The following XRCC4 variants were observed in gnomAD, a reference collection of about 807,000 sequenced individuals.
XRCC4 encodes the protein X-ray repair cross complementing 4.
XRCC4 carries 28 observed loss-of-function variants against 39.1 expected under a neutral mutation model. The ratio of observed to expected loss-of-function variants is 0.72; its 90% confidence interval spans 0.53 to 0.98. XRCC4 has a LOEUF of 0.98. XRCC4 is among the 50% of genes least tolerant of loss of function. The pLI, the probability that XRCC4 is intolerant of heterozygous loss-of-function variation, is 0.00. For missense variants in XRCC4, 350 were observed against 376.4 expected (o/e 0.93, Z 0.58); for synonymous variants, 123 against 126.4 (o/e 0.97, Z 0.18).
intron 3 of XRCC4, among the ~76,000 whole-genome samples, chr5:83,117,581 TTTC>T: frequency 6.6e-6 from 1 of 152,062 alleles, no homozygotes; most frequent in Middle Eastern, 3.4e-3. Flanking sequence ...TTTTAAGTGA[TTTC>T]TTAGATTAAT....
At chr5:83,123,924 A>T (rs907683639) in intron 3 of XRCC4, among the ~76,000 whole-genome samples, 2 of 152,066 alleles carry the variant, frequency 1.3e-5, no homozygotes, top group Non-Finnish European at 2.9e-5. Flanking sequence ...TACTTTTTTA[A>T]CTTTTCATTT....
At chr5:83,160,575 T>C (rs1749155979) in intron 3 of XRCC4, among the ~76,000 whole-genome samples, 1 of 152,212 alleles carries the variant, frequency 6.6e-6, no homozygotes, top group Non-Finnish European at 1.5e-5. Flanking sequence ...CCACGTGGGA[T>C]GATTGATAAC....
Position 83,082,820 on chromosome 5 carries a change from A to C in XRCC4, c.-11+5205A>C, listed in dbSNP as rs150490522. On this transcript the variant is annotated intron_variant, in intron 1 of 7. Coordinates refer to ENST00000396027, the MANE Select transcript of XRCC4 (RefSeq NM_003401.5). ...TTCTTCCTCCAGTGTGGCCTAAGGA[A>C]GTCAAAAGATTGGACACCTCTGCTC... Among the ~76,000 whole-genome samples the C allele has an allele frequency of 5.1e-4, 78 of 152,256 alleles. No individual in the cohort carries two copies. The East Asian group carries it at 0.014, about 28-fold the overall frequency.
intron 3 of XRCC4, among the ~76,000 whole-genome samples, chr5:83,125,564 C>T (rs6452509): frequency 0.41 from 62,281 of 151,904 alleles, 13,290 homozygotes; most frequent in South Asian, 0.49. Flanking sequence ...TTTGCATCTT[C>T]GTTAAAAATC....
At chr5:83,206,312 T>C (rs1265473583) in intron 6 of XRCC4, among the ~76,000 whole-genome samples, 1 of 152,056 alleles carries the variant, frequency 6.6e-6, no homozygotes, top group East Asian at 1.9e-4. Flanking sequence ...GGAGAGGCGA[T>C]GAGCAAGGAG....
intron 1 of XRCC4, among the ~76,000 whole-genome samples, chr5:83,082,821 G>C (rs1745011903): frequency 6.6e-6 from 1 of 152,032 alleles, no homozygotes; most frequent in Admixed American, 6.5e-5. Flanking sequence ...GCCTAAGGAA[G>C]TCAAAAGATT....
intron 3 of XRCC4, among the ~76,000 whole-genome samples, chr5:83,150,780 A>G (rs1278008151): frequency 6.6e-6 from 1 of 152,160 alleles, no homozygotes; most frequent in Non-Finnish European, 1.5e-5. Flanking sequence ...TGGATTTACT[A>G]TGGCTTGAAT....
intron 3 of XRCC4, among the ~76,000 whole-genome samples, chr5:83,191,393 A>G (rs1030968614): frequency 6.9e-6 from 1 of 144,160 alleles, no homozygotes; most frequent in African/African-American, 2.9e-5. Context: ...AATGAGTCTC[A>G]TGAGATCTGA....
chr5:83,356,866 G>A (rs1294429188), downstream of XRCC4: 14 of 316,590 alleles, frequency 4.4e-5, no homozygotes, highest in Non-Finnish European at 3.2e-5. Flanking sequence ...ATCTTAAAAT[G>A]TATAATTTTT....
intron 7 of XRCC4, among the ~76,000 whole-genome samples, chr5:83,286,350 A>G (rs1284412931): frequency 6.6e-6 from 1 of 152,050 alleles, no homozygotes; most frequent in African/African-American, 2.4e-5. Context: ...CTCTGATACA[A>G]TTTTCCAAAA....
At chr5:83,295,000 A>G (rs1755045453) in intron 7 of XRCC4, among the ~76,000 whole-genome samples, 1 of 152,074 alleles carries the variant, frequency 6.6e-6, no homozygotes, top group Non-Finnish European at 1.5e-5. Flanking sequence ...TCATATCTCA[A>G]AGTTTTTTAT....
chr5:83,366,349 T>G, the XRCC4 span, among the ~76,000 whole-genome samples: 1 of 152,298 alleles, frequency 6.6e-6, no homozygotes, highest in Non-Finnish European at 1.5e-5. Context: ...AGACGGATCC[T>G]TGATTCATCT....
chr5:83,344,238 G>A (rs186795323), intron 7 of XRCC4, among the ~76,000 whole-genome samples: 2 of 151,220 alleles, frequency 1.3e-5, no homozygotes, highest in African/African-American at 2.4e-5. Context: ...TTATTTAAAT[G>A]TGTGTATTTT....
chr5:83,104,874 T>C, intron 1 of XRCC4, 36 bp from the exon 2 acceptor site: 1 of 1,588,884 alleles, frequency 6.3e-7, no homozygotes, highest in Non-Finnish European at 8.6e-7. Context: ...AGTTACAGTT[T>C]CTTTTAAAAA....
intron 3 of XRCC4, among the ~76,000 whole-genome samples, chr5:83,129,822 C>A (rs186024460): frequency 6.6e-6 from 1 of 152,182 alleles, no homozygotes; most frequent in African/African-American, 2.4e-5. Flanking sequence ...GATTTTGTAT[C>A]CTGAGACTTT....
intron 3 of XRCC4, among the ~76,000 whole-genome samples, chr5:83,116,723 G>A (rs559616283): frequency 2.7e-5 from 4 of 147,254 alleles, no homozygotes; most frequent in Non-Finnish European, 5.9e-5. Context: ...CCAGGTTCAA[G>A]TGATTCTCCT....
chr5:83,337,715 A>G (rs1257259015), intron 7 of XRCC4, among the ~76,000 whole-genome samples: 1 of 152,230 alleles, frequency 6.6e-6, no homozygotes, highest in East Asian at 1.9e-4. Flanking sequence ...AAATACAAGC[A>G]TAACAAAATG....
chr5:83,156,310 G>A (rs954067414), intron 3 of XRCC4, among the ~76,000 whole-genome samples: 2 of 141,938 alleles, frequency 1.4e-5, no homozygotes, highest in African/African-American at 2.6e-5. Context: ...CTTTTTTGTT[G>A]GTACCCTGTT....
chr5:83,094,667 C>A (rs1745594082), intron 1 of XRCC4, among the ~76,000 whole-genome samples: 1 of 150,462 alleles, frequency 6.6e-6, no homozygotes, highest in Non-Finnish European at 1.5e-5. Context: ...TTTATATATT[C>A]TTGTGGTTAA....
Sources: allele counts gnomAD v4.1 joint callset (sites outside exome capture counted in the v4.1 genomes callset), GRCh38; gene constraint gnomAD v4.1.1; transcripts MANE v1.5; gene names NCBI Gene and HGNC (gene_info 2026-07-23, HGNC 2026-07-21).